The following GPHN variants were observed in gnomAD, a reference collection of about 807,000 sequenced individuals.
GPHN encodes gephyrin.
Under a neutral mutation model 95.5 loss-of-function variants are expected in GPHN, and 17 were observed. The ratio of observed to expected loss-of-function variants is 0.18; its 90% confidence interval spans 0.12 to 0.27. The LOEUF (loss-of-function observed/expected upper bound fraction) is 0.27. GPHN is among the 10% of genes least tolerant of loss of function. The pLI is 1.00. For synonymous variants in GPHN, 320 were observed against 322.5 expected, an observed-to-expected ratio of 0.99 and a Z score of 0.08; for missense variants, 660 against 978.1, an observed-to-expected ratio of 0.67 and a Z score of 4.34.
chr14:67,257,918 A>T, the GPHN span, among the ~76,000 whole-genome samples: 1 of 152,160 alleles, frequency 6.6e-6, no homozygotes, highest in Non-Finnish European at 1.5e-5. Context: ...GGGGCCCCTT[A>T]TATGGAGTGT....
chr14:66,759,023 T>G (rs913267589), intron 2 of GPHN, among the ~76,000 whole-genome samples: 1 of 152,244 alleles, frequency 6.6e-6, no homozygotes, highest in Non-Finnish European at 1.5e-5. Context: ...CTGAGTTGTT[T>G]GCAAAATAAA....
chr14:67,537,396 G>A, the GPHN span, among the ~76,000 whole-genome samples: 1 of 133,508 alleles, frequency 7.5e-6, no homozygotes, highest in Non-Finnish European at 1.6e-5. Flanking sequence ...TTAATCTTAG[G>A]CTGGGCGCAG....
chr14:67,402,448 A>G, the GPHN span, among the ~76,000 whole-genome samples: 2 of 152,148 alleles, frequency 1.3e-5, no homozygotes, highest in Non-Finnish European at 2.9e-5. Context: ...TCTTTTGGTT[A>G]TTTTTAAACG....
chr14:67,047,835 C>T (rs1298451662), intron 10 of GPHN, among the ~76,000 whole-genome samples: 1 of 152,122 alleles, frequency 6.6e-6, no homozygotes, highest in Non-Finnish European at 1.5e-5. Context: ...GTGGTGTGCA[C>T]CTGTGGTGCC....
intron 1 of GPHN, among the ~76,000 whole-genome samples, chr14:66,603,445 G>A (rs1437596904): frequency 4.0e-5 from 6 of 151,704 alleles, no homozygotes; most frequent in African/African-American, 7.3e-5. Context: ...CAAAAATTTA[G>A]TTCAAAGTCA....
the GPHN span, chr14:67,569,934 T>G: frequency 6.2e-7 from 1 of 1,608,122 alleles, no homozygotes; most frequent in Non-Finnish European, 8.5e-7. Flanking sequence ...CAAGCCCTCC[T>G]GCCCTTGTTT....
chr14:67,622,273 A>G, the GPHN span, among the ~76,000 whole-genome samples: 1 of 152,318 alleles, frequency 6.6e-6, no homozygotes, highest in African/African-American at 2.4e-5. Context: ...CACATAATCT[A>G]AGTTAACTCC....
At chr14:67,227,286 A>G in the GPHN span, among the ~76,000 whole-genome samples, 2 of 152,062 alleles carry the variant, frequency 1.3e-5, no homozygotes, top group East Asian at 3.9e-4. Flanking sequence ...CTATAAATAC[A>G]AAAATTAGCC....
chr14:66,792,720 C>T (rs916672537), intron 3 of GPHN, among the ~76,000 whole-genome samples: 1 of 152,124 alleles, frequency 6.6e-6, no homozygotes, highest in African/African-American at 2.4e-5. Context: ...AGACCCTAAC[C>T]CAGTGGTGCT....
At chr14:67,480,197 C>T in the GPHN span, among the ~76,000 whole-genome samples, 1 of 152,188 alleles carries the variant, frequency 6.6e-6, no homozygotes, top group East Asian at 1.9e-4. Flanking sequence ...TTTACACCGC[C>T]TCTTACCCGA....
intron 2 of GPHN, among the ~76,000 whole-genome samples, chr14:66,682,412 G>A (rs1386761897): frequency 6.6e-6 from 1 of 152,094 alleles, no homozygotes; most frequent in East Asian, 1.9e-4. Context: ...GATATGGGTG[G>A]AAACTTTACA....
At chr14:67,562,831 G>GC in the GPHN span, 4 of 1,613,740 alleles carry the variant, frequency 2.5e-6, no homozygotes. Flanking sequence ...TTGGAGCTGA[G>GC]CTGGAGGAAG....
intron 10 of GPHN, among the ~76,000 whole-genome samples, chr14:67,046,506 AG>A: frequency 6.6e-6 from 1 of 152,322 alleles, no homozygotes; most frequent in South Asian, 2.1e-4. Context: ...TACTATTCTA[AG>A]GAACTGAAAT....
At chr14:67,639,149 T>C in the GPHN span, among the ~76,000 whole-genome samples, 1 of 152,248 alleles carries the variant, frequency 6.6e-6, no homozygotes, top group African/African-American at 2.4e-5. Context: ...TACTGTAAGA[T>C]TGCCAAATTC....
At chr14:67,174,820 C>T (rs918511349) in intron 21 of GPHN, among the ~76,000 whole-genome samples, 1 of 152,212 alleles carries the variant, frequency 6.6e-6, no homozygotes, top group African/African-American at 2.4e-5. Flanking sequence ...TTGCACTTCT[C>T]TAATGACCAG....
At chr14:66,566,037 C>A (rs570993194) in intron 1 of GPHN, among the ~76,000 whole-genome samples, 15 of 149,736 alleles carry the variant, frequency 1.0e-4, no homozygotes, top group Admixed American at 4.7e-4. Context: ...ATCAGTTTAT[C>A]AATCCTAAAT....
the GPHN span, chr14:67,471,585 C>A: frequency 6.6e-6 from 1 of 152,226 alleles, no homozygotes; most frequent in Admixed American, 6.5e-5. Flanking sequence ...GAGGGCTGGC[C>A]ACTGCAGAAA....
chr14:66,816,492 G>A (rs150868420), intron 3 of GPHN, among the ~76,000 whole-genome samples: 2 of 152,030 alleles, frequency 1.3e-5, no homozygotes, highest in African/African-American at 4.8e-5. Flanking sequence ...AATTAAGACT[G>A]AGAAATTTAC....
At chr14:66,756,115 GT>G (rs2058546841) in intron 2 of GPHN, among the ~76,000 whole-genome samples, 1 of 151,934 alleles carries the variant, frequency 6.6e-6, no homozygotes. Flanking sequence ...GCTCAAAAAA[GT>G]TTTTGTTGAA....
Sources: allele counts gnomAD v4.1 joint callset (sites outside exome capture counted in the v4.1 genomes callset), GRCh38; gene constraint gnomAD v4.1.1; transcripts MANE v1.5; gene names NCBI Gene and HGNC (gene_info 2026-07-23, HGNC 2026-07-21).